Variants in SDAD1 observed in about 807,000 individuals in gnomAD.
The protein encoded by SDAD1 is protein SDA1 homolog.
A neutral mutation model predicts 100.3 loss-of-function variants in SDAD1; 79 were observed. The ratio of observed to expected loss-of-function variants is 0.79; its 90% confidence interval spans 0.66 to 0.95. SDAD1 has a LOEUF of 0.95. Ranked by LOEUF, SDAD1 falls within the 40% of genes least tolerant of loss-of-function variation. The pLI, the probability that SDAD1 is intolerant of heterozygous loss-of-function variation, is 0.00. For synonymous variants in SDAD1, 267 were observed against 271.4 expected, an observed-to-expected ratio of 0.98 and a Z score of 0.16; for missense variants, 790 against 810.9, an observed-to-expected ratio of 0.97 and a Z score of 0.31.
intron 1 of SDAD1, among the ~76,000 whole-genome samples, chr4:75,983,859 G>C (rs1451512093): frequency 1.3e-5 from 2 of 151,958 alleles, no homozygotes; most frequent in Non-Finnish European, 2.9e-5. Flanking sequence ...ATTAAGTCTT[G>C]CCCGGGCCTA....
At position 75,979,401 on chromosome 4, in the gene SDAD1, C is replaced by T. The variant is rs189958539; in HGVS notation, c.295-1645G>A. 1.7e-3 allele frequency among the ~76,000 whole-genome samples: 262 copies of T among 152,196 alleles called. 1 individual carries two copies. The highest frequency in any genetic ancestry group is 6.1e-3 in the African/African-American group (252 of 41,542). ...AGAGCTTCTTCCAGTGTGTTCAATG[C>T]TTCCTCTAAAGAGCAATGCTAACTA... On this transcript the variant is annotated intron_variant, in intron 3 of 21. Transcript: ENST00000356260.
At chr4:75,955,006 T>C (rs1728812403) in intron 21 of SDAD1, among the ~76,000 whole-genome samples, 1 of 152,202 alleles carries the variant, frequency 6.6e-6, no homozygotes, top group Non-Finnish European at 1.5e-5. Context: ...TAGCTTCACG[T>C]CCTGTTTCTA....
At chr4:75,968,581 T>A (rs1485647626) in intron 11 of SDAD1, among the ~76,000 whole-genome samples, 1 of 152,114 alleles carries the variant, frequency 6.6e-6, no homozygotes, top group Non-Finnish European at 1.5e-5. Flanking sequence ...CAACTAACAT[T>A]TGTAAACATG....
At chr4:75,954,723 C>T (rs930723035) in intron 21 of SDAD1, among the ~76,000 whole-genome samples, 1 of 152,154 alleles carries the variant, frequency 6.6e-6, no homozygotes, top group African/African-American at 2.4e-5. Context: ...GCCAACAGCA[C>T]ATGATGTGCT....
intron 4 of SDAD1, among the ~76,000 whole-genome samples, chr4:75,976,720 TTA>T (rs2149324876): frequency 6.6e-6 from 1 of 150,392 alleles, no homozygotes; most frequent in East Asian, 2.0e-4. Flanking sequence ...TTTACATAAA[TTA>T]TATCTCAATA....
intron 3 of SDAD1, among the ~76,000 whole-genome samples, chr4:75,979,862 G>C (rs1305284251): frequency 6.6e-6 from 1 of 151,918 alleles, no homozygotes; most frequent in Non-Finnish European, 1.5e-5. Flanking sequence ...GTGGGATCTT[G>C]CTATGTTGCC....
chr4:75,966,544 C>T (rs1729555645), intron 12 of SDAD1, among the ~76,000 whole-genome samples: 1 of 152,120 alleles, frequency 6.6e-6, no homozygotes. Flanking sequence ...AGTTTCCTTC[C>T]TACTTTGGTT....
In SDAD1 at chr4:75,973,369, A is replaced by T. The variant is rs1377235061; in HGVS notation, c.659T>A (p.Phe220Tyr). The change falls in exon 8 of 22, where the codon TTC becomes TAC. Residue 220 changes from phenylalanine (F) to tyrosine (Y), a missense_variant. Phe to Tyr is a conservative substitution (Grantham distance 22). Transcript: ENST00000356260. Reference sequence around the variant, plus strand: ...TTCATCTTCATCTTTCCCAAGAAAGAATGTCAAAGCGGCAACTAATATCTA... The same window carrying T: ...TTCATCTTCATCTTTCCCAAGAAAGTATGTCAAAGCGGCAACTAATATCTA... ...VTKILVAALT[F>Y]FLGKDEDEKQ... 1 of 1,613,758 alleles carries T rather than the reference A, an allele frequency of 6.2e-7. No homozygotes were observed. Among genetic ancestry groups the T allele is most frequent in the Non-Finnish European group, 8.5e-7 (1 of 1,179,824 alleles).
intron 10 of SDAD1, 121 bp downstream of exon 10, chr4:75,970,187 TA>T: frequency 1.3e-6 from 1 of 750,262 alleles, no homozygotes; most frequent in Non-Finnish European, 2.2e-6. Flanking sequence ...TAGTAACAAC[TA>T]AGCATTTATT....
At chr4:75,963,191 C>T (rs533024854) in intron 14 of SDAD1, among the ~76,000 whole-genome samples, 1 of 152,032 alleles carries the variant, frequency 6.6e-6, no homozygotes, top group Admixed American at 6.6e-5. Context: ...TGTCAAAGAA[C>T]AGATGGTTAT....
intron 13 of SDAD1, 116 bp downstream of exon 13, chr4:75,965,648 A>G (rs979682109): frequency 3.7e-6 from 3 of 817,430 alleles, no homozygotes; most frequent in Non-Finnish European, 6.2e-6. Context: ...GACAAGAAAT[A>G]GAAAAAAACC....
intron 21 of SDAD1, 85 bp from the exon 22 acceptor site, chr4:75,950,882 G>T: frequency 1.2e-6 from 1 of 803,286 alleles, no homozygotes; most frequent in Non-Finnish European, 2.0e-6. Context: ...TACTAAAAAG[G>T]AATCACCAAG....
chr4:75,979,097 TA>T (rs1048521640), intron 3 of SDAD1, among the ~76,000 whole-genome samples: 38 of 148,482 alleles, frequency 2.6e-4, no homozygotes, highest in African/African-American at 7.6e-4. Flanking sequence ...ATAATAATAC[TA>T]AAAAAAAGTT....
intron 1 of SDAD1, among the ~76,000 whole-genome samples, chr4:75,983,212 T>C (rs1560556588): frequency 6.6e-6 from 1 of 152,234 alleles, no homozygotes; most frequent in Non-Finnish European, 1.5e-5. Context: ...TTTGGGTTGG[T>C]TCAAAGTCTT....
intron 6 of SDAD1, 119 bp downstream of exon 6, chr4:75,975,625 T>G: frequency 1.6e-6 from 1 of 628,142 alleles, no homozygotes; most frequent in Non-Finnish European, 2.7e-6. Flanking sequence ...CCAACTTAAA[T>G]CTATGACATA....
chr4:75,965,853 G>A (rs1401009447), intron 12 of SDAD1, 31 bp from the exon 13 acceptor site: 2 of 1,597,974 alleles, frequency 1.3e-6, no homozygotes, highest in African/African-American at 2.7e-5. Flanking sequence ...AAAGGTCATG[G>A]TCAGTGTATC....
chr4:75,971,245 C>A, intron 9 of SDAD1, 112 bp downstream of exon 9: 1 of 704,594 alleles, frequency 1.4e-6, no homozygotes, highest in South Asian at 2.0e-5. Context: ...TCTAACATTT[C>A]TAAGTATTCT....
chr4:75,956,935 C>T (rs1029494245), intron 20 of SDAD1, among the ~76,000 whole-genome samples: 1 of 152,148 alleles, frequency 6.6e-6, no homozygotes, highest in Non-Finnish European at 1.5e-5. Flanking sequence ...CATGGCGAAA[C>T]CTTGACTCTA....
At chr4:75,990,657 C>G in intron 1 of SDAD1, 95 bp downstream of exon 1, 1 of 1,602,896 alleles carries the variant, frequency 6.2e-7, no homozygotes, top group Non-Finnish European at 8.5e-7. Context: ...GAATAGGCGG[C>G]GAGCCTGGAT....
Sources: allele counts gnomAD v4.1 joint callset (sites outside exome capture counted in the v4.1 genomes callset), GRCh38; gene constraint gnomAD v4.1.1; transcripts MANE v1.5; gene names NCBI Gene and HGNC (gene_info 2026-07-23, HGNC 2026-07-21).